The following CRYL1 variants were observed in gnomAD, a reference collection of about 807,000 sequenced individuals.
CRYL1 encodes the protein crystallin lambda 1.
CRYL1 carries 29 observed loss-of-function variants against 36.6 expected under a neutral mutation model. The observed-to-expected ratio is 0.79, with a 90% CI of 0.59 to 1.08. The LOEUF (loss-of-function observed/expected upper bound fraction) is 1.08. Ranked by LOEUF, CRYL1 falls within the 50% of genes least tolerant of loss-of-function variation. The pLI is 0.00. For missense variants in CRYL1, 411 were observed against 407.9 expected (o/e 1.01, Z -0.06); for synonymous variants, 152 against 151.5 (o/e 1.00, Z -0.02).
chr13:20,449,636 T>C (rs1181869924), intron 3 of CRYL1, among the ~76,000 whole-genome samples: 2 of 151,462 alleles, frequency 1.3e-5, no homozygotes, highest in African/African-American at 4.8e-5. Flanking sequence ...GGCATCCAAA[T>C]AGGAAAAGAA....
chr13:20,467,393 G>T (rs555820105), intron 3 of CRYL1, among the ~76,000 whole-genome samples: 1 of 152,208 alleles, frequency 6.6e-6, no homozygotes, highest in Non-Finnish European at 1.5e-5. Flanking sequence ...AGGAAAGAGA[G>T]CTATAGCAGG....
At chr13:20,503,843 G>A (rs888426573) in intron 2 of CRYL1, among the ~76,000 whole-genome samples, 4 of 152,202 alleles carry the variant, frequency 2.6e-5, no homozygotes, top group African/African-American at 4.8e-5. Flanking sequence ...CAGAGACCCA[G>A]TTACTGGAAA....
At position 20,450,213 on chromosome 13, in the gene CRYL1, A is replaced by G. The variant is rs141073043; in HGVS notation, c.277-10459T>C. Among the ~76,000 whole-genome samples, 492 of 152,318 alleles carry G rather than the reference A, an allele frequency of 3.2e-3. 2 individuals are homozygous for G. Among genetic ancestry groups the G allele is most frequent in the African/African-American group, 0.011 (446 of 41,564 alleles). ...TTATACTATAAGGCTACAGTAACCAAACAGCATGATATTGATACAAAAACA... is the reference window on the plus strand; with the variant it reads ...TTATACTATAAGGCTACAGTAACCAGACAGCATGATATTGATACAAAAACA... On this transcript the variant is annotated intron_variant, in intron 3 of 7. Transcript: ENST00000298248.
intron 2 of CRYL1, among the ~76,000 whole-genome samples, chr13:20,509,460 T>A (rs2033873815): frequency 6.6e-6 from 1 of 152,152 alleles, no homozygotes; most frequent in Admixed American, 6.5e-5. Flanking sequence ...ATAAAACTAG[T>A]TTTTATGCAC....
In CRYL1 at chr13:20,489,447, T is replaced by C; in HGVS notation, c.199A>G (p.Ser67Gly). ...EQAGSLKGSL[S>G]VEEQLSLISG... ...ATGAGTGACAGCTGCTCTTCCACAC[T>C]CAGGGAGCCTTTCAGAGAACCTGCC... The change falls in exon 3 of 8, where the codon AGT becomes GGT. Residue 67 changes from serine (S) to glycine (G), a missense_variant. By Grantham distance (56) the Ser-to-Gly change is moderately conservative. Transcript: ENST00000298248. 8 of 1,613,660 alleles carry C rather than the reference T, an allele frequency of 5.0e-6. No individual in the cohort carries two copies. The highest frequency in any genetic ancestry group is 6.8e-6 in the Non-Finnish European group (8 of 1,180,024).
Position 20,522,911 on chromosome 13 carries a change from C to CTTTTTTTTTT in CRYL1, c.41+2833_41+2842dup, listed in dbSNP as rs386378385. Among the ~76,000 whole-genome samples, 177 of 82,948 alleles carry CTTTTTTTTTT rather than the reference C, an allele frequency of 2.1e-3. 8 individuals are homozygous for CTTTTTTTTTT. The highest frequency in any genetic ancestry group is 0.016 in the Middle Eastern group (1 of 62). 54.4% of individuals were successfully genotyped at this position (82,948 alleles called of 152,430 possible). A position where few individuals can be genotyped will look rare whatever the true frequency, so the allele number is the denominator to read the frequency against. ...TTTATCTTCATGATACCCATTTCTA[C>CTTTTTTTTTT]TTTTTTTTTTTTTTTTTTTTTTTTG... On this transcript the variant is annotated intron_variant, in intron 1 of 7. Transcript: ENST00000298248.
rs536666876 is a variant in CRYL1, at chr13:20,463,232, C to A, written c.277-23478G>T. ...TTTATCTCTACAAAAGTAATATATG[C>A]TCATTGTCAAAAATTTAGACAAACC... is the stretch of plus-strand genomic sequence containing the variant. On this transcript the variant is annotated intron_variant, in intron 3 of 7. Coordinates refer to ENST00000298248, the MANE Select transcript of CRYL1 (RefSeq NM_015974.3). 4.6e-5 allele frequency among the ~76,000 whole-genome samples: 7 copies of A among 152,296 alleles called. No individual in the cohort carries two copies. In the South Asian group the frequency reaches 1.5e-3, roughly 32 times the overall value.
At position 20,455,992 on chromosome 13, in the gene CRYL1, A is replaced by G. The variant is rs565262054; in HGVS notation, c.277-16238T>C. ...ATACAAAGATAAGTCAATGGGGAAA[A>G]GATAGGGTTCAACAAATGGTGCTGG... On this transcript the variant is annotated intron_variant, in intron 3 of 7. Coordinates refer to ENST00000298248, the MANE Select transcript of CRYL1 (RefSeq NM_015974.3). Among the ~76,000 whole-genome samples the G allele has an allele frequency of 7.2e-5, 11 of 152,352 alleles. No homozygotes were observed. The South Asian group carries it at 2.3e-3, about 32-fold the overall frequency.
chr13:20,506,816 C>G (rs2033802228), intron 2 of CRYL1, among the ~76,000 whole-genome samples: 1 of 152,116 alleles, frequency 6.6e-6, no homozygotes, highest in South Asian at 2.1e-4. Context: ...CAAATCTGGC[C>G]CATCTCCTAT....
At chr13:20,455,367 A>T (rs1040153625) in intron 3 of CRYL1, among the ~76,000 whole-genome samples, 1 of 152,220 alleles carries the variant, frequency 6.6e-6, no homozygotes, top group Non-Finnish European at 1.5e-5. Context: ...CTCAAGCTAC[A>T]CCATAATCAT....
At chr13:20,460,652 A>T (rs1260647902) in intron 3 of CRYL1, among the ~76,000 whole-genome samples, 2 of 149,974 alleles carry the variant, frequency 1.3e-5, no homozygotes, top group African/African-American at 2.5e-5. Context: ...CAGCCTCCCA[A>T]GTAGCCGGGA....
At chr13:20,464,260 G>A (rs182274113) in intron 3 of CRYL1, among the ~76,000 whole-genome samples, 1 of 152,264 alleles carries the variant, frequency 6.6e-6, no homozygotes, top group Non-Finnish European at 1.5e-5. Flanking sequence ...TGGGTATGGT[G>A]GCACGTGCCT....
At chr13:20,431,908 T>A in intron 5 of CRYL1, 194 bp downstream of exon 5, 1 of 1,522,320 alleles carries the variant, frequency 6.6e-7, no homozygotes, top group Non-Finnish European at 8.8e-7. Flanking sequence ...AGACAGTGAA[T>A]CGCTGCATTT....
At chr13:20,450,793 A>G (rs1160402388) in intron 3 of CRYL1, among the ~76,000 whole-genome samples, 1 of 152,200 alleles carries the variant, frequency 6.6e-6, no homozygotes, top group African/African-American at 2.4e-5. Flanking sequence ...TCACAATAGC[A>G]AAGACTTGGA....
chr13:20,427,910 C>T (rs1383457019), intron 5 of CRYL1, among the ~76,000 whole-genome samples: 2 of 151,706 alleles, frequency 1.3e-5, no homozygotes, highest in South Asian at 2.1e-4. Flanking sequence ...TTAAGTTCAA[C>T]GACTTAGAAG....
chr13:20,525,619 G>A lies in CRYL1; in HGVS notation c.41+135C>T, dbSNP rs994055564. 6.3e-4 allele frequency: 441 copies of A among 699,672 alleles called. 1 individual carries two copies. Among genetic ancestry groups the A allele is most frequent in the Non-Finnish European group, 7.6e-4 (382 of 504,600 alleles). The allele number at this position is 699,672 out of a possible 1,614,324, so 43.3% of individuals were successfully genotyped here. On this transcript the variant is annotated intron_variant, in intron 1 of 7. Transcript: ENST00000298248. This position sits in a 1 kb window ranked among gnomAD's most constrained non-coding sequence, Gnocchi z 4.3. The stretch of plus-strand genomic sequence containing the variant: ...GCCAGCGCCGTAGGGGCCGCAGGGC[G>A]CAGGGCTTCGGAGGACCGGAGGCCG...
chr13:20,450,808 AC>A (rs1224016230), intron 3 of CRYL1, among the ~76,000 whole-genome samples: 1 of 152,132 alleles, frequency 6.6e-6, no homozygotes, highest in Non-Finnish European at 1.5e-5. Context: ...CTTGGAACCA[AC>A]CCAAATGTCC....
rs57896117 is a variant in CRYL1 at position 20,481,740 on chromosome 13, G to A, written c.276+7630C>T. 9.4e-3 allele frequency among the ~76,000 whole-genome samples: 1,429 copies of A among 152,002 alleles called. 26 individuals are homozygous for A. Among genetic ancestry groups the A allele is most frequent in the African/African-American group, 0.033 (1,369 of 41,424 alleles). On this transcript the variant is annotated intron_variant, in intron 3 of 7. Transcript: ENST00000298248. This position sits in a 1 kb window ranked among gnomAD's most constrained non-coding sequence, Gnocchi z 4.1. ...AGCCTGGCCAACATGATGAAACCCC[G>A]TCTCTACTAAAAATACAAAACTTAG...
At chr13:20,404,589 G>T in intron 7 of CRYL1, 46 bp downstream of exon 7, 1 of 1,292,416 alleles carries the variant, frequency 7.7e-7, no homozygotes, top group Non-Finnish European at 1.1e-6. Flanking sequence ...AGTGCTCCAG[G>T]TAGCCAACAT....
Sources: allele counts gnomAD v4.1 joint callset (sites outside exome capture counted in the v4.1 genomes callset), GRCh38; gene constraint gnomAD v4.1.1; non-coding constraint Gnocchi (gnomAD v3.1); transcripts MANE v1.5; gene names NCBI Gene and HGNC (gene_info 2026-07-23, HGNC 2026-07-21).